Variants in ICA1 observed in about 807,000 individuals in gnomAD.
The protein encoded by ICA1 is 69 kDa islet cell autoantigen.
Under a neutral mutation model 71.0 loss-of-function variants are expected in ICA1, and 40 were observed. The ratio of observed to expected loss-of-function variants is 0.56; its 90% CI spans 0.44 to 0.73. The LOEUF (loss-of-function observed/expected upper bound fraction) is 0.73. Ranked by LOEUF, ICA1 falls within the 30% of genes least tolerant of loss-of-function variation. The pLI, the probability that ICA1 is intolerant of heterozygous loss-of-function variation, is 0.00. For missense variants in ICA1, 578 were observed against 576.5 expected (o/e 1.00, Z -0.03); for synonymous variants, 207 against 209.5 (o/e 0.99, Z 0.10).
Position 8,177,727 on chromosome 7 carries a change from C to T in ICA1, c.580-19075G>A, listed in dbSNP as rs947252823. Among the ~76,000 whole-genome samples, 3 of 152,214 alleles carry T rather than the reference C, an allele frequency of 2.0e-5. No homozygotes were observed. In the East Asian group the frequency reaches 5.8e-4, roughly 29 times the overall value. ...AGTCACTGTAAGTAAACACAACTCACATCCACAAATCAACCAATAAATTAA... is the reference window on the plus strand; with the variant it reads ...AGTCACTGTAAGTAAACACAACTCATATCCACAAATCAACCAATAAATTAA... On this transcript the variant is annotated intron_variant, in intron 6 of 13. Transcript: ENST00000402384.
intron 6 of ICA1, among the ~76,000 whole-genome samples, chr7:8,211,928 C>G (rs956224617): frequency 6.6e-6 from 1 of 152,148 alleles, no homozygotes; most frequent in African/African-American, 2.4e-5. Context: ...TGGTCATGTT[C>G]CAATAAAACC....
chr7:8,135,697 C>A (rs914235971), intron 12 of ICA1, among the ~76,000 whole-genome samples: 2 of 152,168 alleles, frequency 1.3e-5, no homozygotes, highest in Non-Finnish European at 2.9e-5. Context: ...CATGTGACCA[C>A]AATTTAGAAT....
chr7:8,128,291 CCT>C (rs1790121254), intron 12 of ICA1, 149 bp from the exon 13 acceptor site: 8 of 803,014 alleles, frequency 1.0e-5, no homozygotes, highest in Non-Finnish European at 1.5e-5. Flanking sequence ...ATTATTATAG[CCT>C]CTCTTAAGAG....
chr7:8,203,362 C>G (rs891900263), intron 6 of ICA1, among the ~76,000 whole-genome samples: 1 of 152,112 alleles, frequency 6.6e-6, no homozygotes, highest in African/African-American at 2.4e-5. Context: ...CATAAGAAAT[C>G]TTCATATAAG....
intron 9 of ICA1, among the ~76,000 whole-genome samples, chr7:8,143,039 C>T (rs1018056074): frequency 1.3e-5 from 2 of 152,158 alleles, no homozygotes; most frequent in African/African-American, 4.8e-5. Flanking sequence ...GCCTGTTTTA[C>T]GATAAGACTG....
intron 6 of ICA1, among the ~76,000 whole-genome samples, chr7:8,186,930 AT>A (rs1784097757): frequency 6.6e-6 from 1 of 152,194 alleles, no homozygotes; most frequent in South Asian, 2.1e-4. Context: ...CTTGTTTTGC[AT>A]TTATTTTATA....
intron 1 of ICA1, among the ~76,000 whole-genome samples, chr7:8,248,633 T>C (rs775274614): frequency 2.7e-4 from 41 of 152,302 alleles, no homozygotes; most frequent in Middle Eastern, 3.4e-3. Flanking sequence ...GGAGGATCGC[T>C]TGAGCCAGGA....
chr7:8,162,697 C>G lies in ICA1; in HGVS notation c.580-4045G>C, dbSNP rs536963895. 5.9e-5 allele frequency among the ~76,000 whole-genome samples: 9 copies of G among 152,198 alleles called. No homozygotes were observed. The South Asian group carries it at 1.9e-3, about 32-fold the overall frequency. On this transcript the variant is annotated intron_variant, in intron 6 of 13. Transcript: ENST00000402384. Reference sequence around the variant, plus strand: ...AATTTTCTTCACTCAAATAAATGTACCCTTTATTTCTTAGTTTTATTTCTG... The same window carrying G: ...AATTTTCTTCACTCAAATAAATGTAGCCTTTATTTCTTAGTTTTATTTCTG...
At chr7:8,141,534 A>G (rs1311982855) in intron 10 of ICA1, among the ~76,000 whole-genome samples, 1 of 152,160 alleles carries the variant, frequency 6.6e-6, no homozygotes, top group African/African-American at 2.4e-5. Context: ...TGCTGATGTG[A>G]CTGTGATGTG....
intron 13 of ICA1, among the ~76,000 whole-genome samples, chr7:8,124,637 T>A (rs1788436339): frequency 1.3e-5 from 2 of 152,184 alleles, no homozygotes; most frequent in South Asian, 4.1e-4. Flanking sequence ...CTGCTGGGAA[T>A]CTGTAAGTGT....
At chr7:8,121,789 T>A (rs1309423950) in intron 13 of ICA1, among the ~76,000 whole-genome samples, 3 of 152,096 alleles carry the variant, frequency 2.0e-5, no homozygotes, top group Non-Finnish European at 4.4e-5. Flanking sequence ...AAATGAGAAA[T>A]GCTTGAGGTG....
chr7:8,172,611 G>A (rs1306578740), intron 6 of ICA1, among the ~76,000 whole-genome samples: 1 of 152,038 alleles, frequency 6.6e-6, no homozygotes, highest in African/African-American at 2.4e-5. Context: ...GGGTTGGTCT[G>A]GTGTTAGATT....
intron 6 of ICA1, among the ~76,000 whole-genome samples, chr7:8,200,935 C>A (rs917461312): frequency 6.6e-6 from 1 of 152,176 alleles, no homozygotes; most frequent in Admixed American, 6.5e-5. Context: ...TGTTTCATGT[C>A]TGATCTACTT....
intron 9 of ICA1, chr7:8,142,132 A>G: frequency 1.6e-6 from 1 of 623,390 alleles, no homozygotes; most frequent in Non-Finnish European, 2.4e-6. Context: ...TGATAGTTAA[A>G]AAAACTGTAA....
At chr7:8,125,082 C>A (rs943743017) in intron 13 of ICA1, among the ~76,000 whole-genome samples, 4 of 152,174 alleles carry the variant, frequency 2.6e-5, no homozygotes, top group African/African-American at 9.7e-5. Context: ...AGCCACCTTG[C>A]CCGGGTGGTA....
At chr7:8,218,604 C>G (rs1796104542) in intron 5 of ICA1, 101 bp from the exon 6 acceptor site, 1 of 893,954 alleles carries the variant, frequency 1.1e-6, no homozygotes, top group Non-Finnish European at 1.8e-6. Context: ...AGAACAGTAC[C>G]TGGAATGTAG....
chr7:8,212,435 C>T (rs149684886), intron 6 of ICA1, among the ~76,000 whole-genome samples: 1,856 of 152,136 alleles, frequency 0.012, 28 homozygotes, highest in East Asian at 0.06. Context: ...TGTGGTGGCC[C>T]GTGCTTGTAA....
intron 1 of ICA1, among the ~76,000 whole-genome samples, chr7:8,255,141 T>C (rs1329531389): frequency 6.6e-6 from 1 of 152,196 alleles, no homozygotes; most frequent in Non-Finnish European, 1.5e-5. Flanking sequence ...TCTTTCATGT[T>C]AATCAACCTC....
rs141452325 is a variant in ICA1, at chr7:8,201,122, C to A, written c.579+17183G>T. 1.6e-4 allele frequency among the ~76,000 whole-genome samples: 24 copies of A among 152,288 alleles called. No homozygotes were observed. In the East Asian group the frequency reaches 4.4e-3, roughly 28 times the overall value. ...TCAACGTGGTTTTCTATTTGCATGT[C>A]TATGTGCCTGACCTCCTCCATTGCC... On this transcript the variant is annotated intron_variant, in intron 6 of 13. Transcript: ENST00000402384.
Sources: allele counts gnomAD v4.1 joint callset (sites outside exome capture counted in the v4.1 genomes callset), GRCh38; gene constraint gnomAD v4.1.1; transcripts MANE v1.5; gene names NCBI Gene and HGNC (gene_info 2026-07-23, HGNC 2026-07-21).